Variants in SH3RF2 observed in about 807,000 individuals in gnomAD.
SH3RF2 encodes the protein SH3 domain containing ring finger 2.
A neutral mutation model predicts 59.0 loss-of-function variants in SH3RF2; 43 were observed. That is an observed-to-expected ratio of 0.73 (90% CI 0.57 to 0.94). SH3RF2 has a LOEUF of 0.94. SH3RF2 is among the 40% of genes least tolerant of loss of function. SH3RF2 has a pLI of 0.00. For missense variants in SH3RF2, 930 were observed against 940.1 expected (o/e 0.99, Z 0.14); for synonymous variants, 391 against 391.5 (o/e 1.00, Z 0.01).
intron 8 of SH3RF2, among the ~76,000 whole-genome samples, chr5:146,057,946 CTCTCTCTCTCTCTCTCTCTCTCTATCTA>C (rs1204789724): frequency 7.8e-6 from 1 of 128,666 alleles, no homozygotes; most frequent in Non-Finnish European, 1.8e-5. Flanking sequence ...CTCTCTCTCT[CTCTCTCTCTCTCTCTCTCTCTCTATCTA>C]TCTATCTATC....
intron 2 of SH3RF2, among the ~76,000 whole-genome samples, chr5:145,991,588 G>A (rs1420037474): frequency 6.6e-6 from 1 of 152,176 alleles, no homozygotes; most frequent in Non-Finnish European, 1.5e-5. Context: ...AGAAGAAAGA[G>A]GGTCTTCTTG....
chr5:145,954,774 A>T (rs1230529409), intron 2 of SH3RF2, among the ~76,000 whole-genome samples: 2 of 152,176 alleles, frequency 1.3e-5, no homozygotes, highest in African/African-American at 4.8e-5. Flanking sequence ...CATAGCTCCA[A>T]CATCAGCTTT....
chr5:145,960,476 T>G (rs985819933), intron 2 of SH3RF2, among the ~76,000 whole-genome samples: 2 of 152,224 alleles, frequency 1.3e-5, no homozygotes, highest in African/African-American at 4.8e-5. Flanking sequence ...TCAACATATT[T>G]TGGACTTAAA....
At chr5:145,991,801 G>A (rs1759943087) in intron 2 of SH3RF2, among the ~76,000 whole-genome samples, 1 of 152,176 alleles carries the variant, frequency 6.6e-6, no homozygotes, top group African/African-American at 2.4e-5. Context: ...TACTTGCACT[G>A]CAAATATCTT....
At chr5:145,992,476 T>G (rs6875396) in intron 2 of SH3RF2, among the ~76,000 whole-genome samples, 5,772 of 152,282 alleles carry the variant, frequency 0.038, 355 homozygotes, top group African/African-American at 0.13. Flanking sequence ...TTTTAAATTT[T>G]TTGTATTAGT....
At position 146,062,144 on chromosome 5, in the gene SH3RF2, G is replaced by T. The variant is rs539955393; in HGVS notation, c.1915-282G>T. ...TTGCCTCAGGCTGTTTTTATAGGCG[G>T]CGGCCTACCCTATTTCTCCCAGATA... On this transcript the variant is annotated intron_variant, in intron 9 of 9. Transcript: ENST00000359120. Among the ~76,000 whole-genome samples, 12 of 152,210 alleles carry T rather than the reference G, an allele frequency of 7.9e-5. 1 individual carries two copies. The South Asian group carries it at 2.5e-3, about 32-fold the overall frequency.
Position 146,062,731 on chromosome 5 carries a change from A to G in SH3RF2, c.*30A>G, listed in dbSNP as rs1301792397. On this transcript the variant is annotated 3_prime_UTR_variant, in exon 10 of 10. Transcript: ENST00000359120. ...ACGGGTGGCTTTTCCTAGACCCCAA[A>G]GAGGTGAATTGCATTTAAATACAGT... The G allele has an allele frequency of 6.3e-7, 1 of 1,596,438 alleles. No homozygotes were observed. The highest frequency in any genetic ancestry group is 8.6e-7 in the Non-Finnish European group (1 of 1,169,584).
intron 2 of SH3RF2, among the ~76,000 whole-genome samples, chr5:145,985,776 G>A (rs1281655380): frequency 6.6e-6 from 1 of 152,086 alleles, no homozygotes; most frequent in Non-Finnish European, 1.5e-5. Context: ...ACTTTGGGAG[G>A]CTGAAGAGGG....
downstream of SH3RF2, among the ~76,000 whole-genome samples, chr5:146,068,232 G>A (rs1348240985): frequency 1.6e-4 from 25 of 152,216 alleles, no homozygotes; most frequent in Admixed American, 1.6e-3. Context: ...TTCCATGAGA[G>A]GAGCAAGCAT....
intron 9 of SH3RF2, among the ~76,000 whole-genome samples, chr5:146,069,819 C>A (rs1763193161): frequency 6.6e-6 from 1 of 152,092 alleles, no homozygotes; most frequent in Non-Finnish European, 1.5e-5. Flanking sequence ...ACCGATCTGC[C>A]TGCCTCACCC....
At position 146,062,639 on chromosome 5, in the gene SH3RF2, G is replaced by C. The variant is rs771604351; in HGVS notation, c.2128G>C (p.Gly710Arg). 7.4e-6 allele frequency: 12 copies of C among 1,614,070 alleles called. No individual in the cohort carries two copies. In the South Asian group the frequency reaches 1.3e-4, roughly 18 times the overall value. The change falls in exon 10 of 10, where the codon GGC becomes CGC. Residue 710 changes from glycine to arginine, a missense_variant. By Grantham distance (125) the Gly-to-Arg change is moderately radical. Coordinates refer to ENST00000359120, the MANE Select transcript of SH3RF2 (RefSeq NM_152550.4). ...AGACCTCCGGAGAAAGTCAGCTCTT[G>C]GCAAGGCCACAACCCTGGTGTCCAC... ...QTDLRRKSALGKATTLVSTAS... is the reference protein window; with the variant it reads ...QTDLRRKSALRKATTLVSTAS...
At chr5:145,989,960 A>G (rs185117919) in intron 2 of SH3RF2, among the ~76,000 whole-genome samples, 78 of 152,244 alleles carry the variant, frequency 5.1e-4, no homozygotes, top group African/African-American at 1.7e-3. Context: ...GAATTTTGCT[A>G]TTTGGATATT....
chr5:146,004,035 G>A (rs763483331), intron 3 of SH3RF2, 23 bp from the exon 4 acceptor site: 2 of 1,603,528 alleles, frequency 1.2e-6, no homozygotes, highest in African/African-American at 2.7e-5. Flanking sequence ...AGTAAATGCT[G>A]ACCATGAGAC....
At position 145,951,494 on chromosome 5, in the gene SH3RF2, T is replaced by C. The variant is rs115832883; in HGVS notation, c.378+13188T>C. 3.2e-3 allele frequency among the ~76,000 whole-genome samples: 493 copies of C among 152,322 alleles called. 2 individuals are homozygous for C. Among genetic ancestry groups the C allele is most frequent in the African/African-American group, 0.012 (483 of 41,572 alleles). ...TGAGTCTTCTAATTCCTTTGCATTC[T>C]AAAATCTCGCATCTGCAAGACATCT... On this transcript the variant is annotated intron_variant, in intron 2 of 9. Transcript: ENST00000359120.
intron 2 of SH3RF2, among the ~76,000 whole-genome samples, chr5:145,985,689 G>T (rs1759671556): frequency 6.6e-6 from 1 of 152,156 alleles, no homozygotes; most frequent in Admixed American, 6.6e-5. Context: ...GTATTTTAAA[G>T]ATACTTCTGG....
chr5:146,016,621 A>G (rs1224820945), intron 5 of SH3RF2, among the ~76,000 whole-genome samples: 2 of 152,192 alleles, frequency 1.3e-5, no homozygotes, highest in African/African-American at 2.4e-5. Context: ...GTAATTTAGT[A>G]AAGAGTCTGG....
At chr5:146,046,636 A>G (rs1004975822) in intron 5 of SH3RF2, among the ~76,000 whole-genome samples, 2 of 152,218 alleles carry the variant, frequency 1.3e-5, no homozygotes, top group African/African-American at 4.8e-5. Flanking sequence ...AACCAGACTT[A>G]CATAGTCCCT....
intron 2 of SH3RF2, among the ~76,000 whole-genome samples, chr5:145,973,066 G>C (rs528486256): frequency 6.6e-6 from 1 of 152,302 alleles, no homozygotes; most frequent in African/African-American, 2.4e-5. Context: ...CACCTGACCC[G>C]TGCTTGGGAC....
At chr5:145,974,737 C>G (rs1257283364) in intron 2 of SH3RF2, among the ~76,000 whole-genome samples, 1 of 152,174 alleles carries the variant, frequency 6.6e-6, no homozygotes, top group Non-Finnish European at 1.5e-5. Context: ...CTGCTACACT[C>G]TATAGCCCAA....
Sources: gnomAD v4.1 joint callset for allele counts (sites outside exome capture counted in the v4.1 genomes callset) on GRCh38, gnomAD v4.1.1 for gene constraint, MANE v1.5 for transcripts, NCBI Gene and HGNC (gene_info 2026-07-23, HGNC 2026-07-21) for gene names.